TSPAN6: variants seen among roughly 807,000 people sequenced by gnomAD.
The protein encoded by TSPAN6 is tetraspanin-6.
In TSPAN6, 13 loss-of-function variants were observed where a neutral mutation model predicts 18.0. The observed-to-expected ratio is 0.72, with a 90% confidence interval of 0.47 to 1.15. TSPAN6 has a LOEUF of 1.15. Ranked by LOEUF, TSPAN6 falls within the 50% of genes most tolerant of loss-of-function variation. The pLI is 0.00. For synonymous variants in TSPAN6, 82 were observed against 67.0 expected, an observed-to-expected ratio of 1.22 and a Z score of -1.09; for missense variants, 186 against 183.9, an observed-to-expected ratio of 1.01 and a Z score of -0.07.
At position 100,629,916 on chromosome X, in the gene TSPAN6, C is replaced by T; in HGVS notation, c.*110G>A. The stretch of plus-strand genomic sequence containing the variant: ...CAACCTACTGGTGTAGTTTTTTGGT[C>T]TATCAGTAAGTAGTGTTGTCAGTTC... On this transcript the variant is annotated 3_prime_UTR_variant, in exon 8 of 8. Coordinates refer to ENST00000373020, the MANE Select transcript of TSPAN6 (RefSeq NM_003270.4). 7.0e-6 allele frequency: 5 copies of T among 715,463 alleles called. No individual in the cohort carries two copies. The highest frequency in any genetic ancestry group is 8.3e-6 in the Non-Finnish European group (5 of 603,906). The allele number at this position is 715,463 out of a possible 1,213,427, so 59.0% of individuals were successfully genotyped here.
rs2083087494 is a variant in TSPAN6 at position 100,635,391 on chromosome X, A to G, written c.277-139T>C. On this transcript the variant is annotated intron_variant, in intron 2 of 7. Transcript: ENST00000373020. The stretch of plus-strand genomic sequence containing the variant: ...TGAAAAGGGCAGGGAAAATAACAAC[A>G]TGTCTATTTTGAAAGTGGAAACTGG... 7.8e-6 allele frequency: 5 copies of G among 640,482 alleles called. No individual in the cohort carries two copies. The East Asian group carries it at 1.8e-4, about 23-fold the overall frequency. The allele number at this position is 640,482 out of a possible 1,213,427, so 52.8% of individuals were successfully genotyped here.
intron 6 of TSPAN6, chrX:100,632,024 C>T (rs1448126297): frequency 7.7e-6 from 1 of 130,552 alleles, no homozygotes; most frequent in Non-Finnish European, 1.5e-5. Context: ...ATACTGTGAC[C>T]AGTAACTGAG....
chrX:100,636,253 T>A (rs1205127825), intron 1 of TSPAN6: 1 of 825,810 alleles, frequency 1.2e-6, no homozygotes, highest in African/African-American at 2.2e-5. Context: ...AAGTGAGCCC[T>A]CAAAGGGGCC....
rs766124468 is a variant in TSPAN6 at position 100,633,490 on chromosome X, T to C, written c.500A>G (p.Tyr167Cys). ...CTTAGGAAATCCTTTTTCTGAGTAA[T>C]AATTAGTATCTGTCCAATCTCTATA... ...TDYRDWTDTN[Y>C]YSEKGFPKSC... Residue 167 changes from tyrosine to cysteine, a missense_variant, in exon 5 of 8, where the codon TAT becomes TGT. By Grantham distance (194) the Tyr-to-Cys change is radical. Coordinates refer to ENST00000373020, the MANE Select transcript of TSPAN6 (RefSeq NM_003270.4). 1.7e-5 allele frequency: 21 copies of C among 1,206,216 alleles called. No individual in the cohort carries two copies. In the Admixed American group the frequency reaches 4.4e-4, roughly 25 times the overall value.
At chrX:100,633,115 G>A (rs753177093) in intron 5 of TSPAN6, among the ~76,000 whole-genome samples, 12 of 111,391 alleles carry the variant, frequency 1.1e-4, no homozygotes, top group Non-Finnish European at 2.3e-4. Context: ...TCAGGAGATT[G>A]AGACCATCCT....
intron 7 of TSPAN6, among the ~76,000 whole-genome samples, chrX:100,630,239 T>C (rs1050444801): frequency 8.9e-6 from 1 of 112,017 alleles, no homozygotes; most frequent in Non-Finnish European, 1.9e-5. Context: ...TTAGACCAGA[T>C]GAGTTTACGG....
chrX:100,633,552 A>G lies in TSPAN6; in HGVS notation c.451-13T>C. 4 of 1,181,848 alleles carry G rather than the reference A, an allele frequency of 3.4e-6. No individual in the cohort carries two copies. Among genetic ancestry groups the G allele is most frequent in the Non-Finnish European group, 4.5e-6 (4 of 883,227 alleles). ...CACAACAATGCAACTGAAAAACCCAACAAAAGCATTTACAGTTTATATTAC... is the reference window on the plus strand; with the variant it reads ...CACAACAATGCAACTGAAAAACCCAGCAAAAGCATTTACAGTTTATATTAC... On this transcript the variant is annotated splice_polypyrimidine_tract_variant and intron_variant, in intron 4 of 7. Transcript: ENST00000373020.
chrX:100,633,547 A>G lies in TSPAN6; in HGVS notation c.451-8T>C. The G allele has an allele frequency of 8.5e-7, 1 of 1,181,563 alleles. No homozygotes were observed. The highest frequency in any genetic ancestry group is 1.1e-6 in the Non-Finnish European group (1 of 883,322). On this transcript the variant is annotated splice_region_variant and splice_polypyrimidine_tract_variant and intron_variant, in intron 4 of 7. Coordinates refer to ENST00000373020, the MANE Select transcript of TSPAN6 (RefSeq NM_003270.4). Reference sequence around the variant, plus strand: ...GACACCACAACAATGCAACTGAAAAACCCAACAAAAGCATTTACAGTTTAT... The same window carrying G: ...GACACCACAACAATGCAACTGAAAAGCCCAACAAAAGCATTTACAGTTTAT...
intron 5 of TSPAN6, among the ~76,000 whole-genome samples, 187 bp from the exon 6 acceptor site, chrX:100,632,755 A>G (rs1266573512): frequency 9.0e-6 from 1 of 111,616 alleles, no homozygotes; most frequent in Non-Finnish European, 1.9e-5. Context: ...ATTGAAATCT[A>G]TTCTCTTCCA....
In TSPAN6 at chrX:100,628,750, C is replaced by T. The variant is rs895161917; in HGVS notation, c.*1276G>A. 3.6e-5 allele frequency: 4 copies of T among 111,559 alleles called. No individual in the cohort carries two copies. The highest frequency in any genetic ancestry group is 6.5e-5 in the African/African-American group (2 of 30,716). The allele number at this position is 111,559 out of a possible 1,213,427, so 9.2% of individuals were successfully genotyped here. A position where few individuals can be genotyped will look rare whatever the true frequency, so the allele number is the denominator to read the frequency against. Reference sequence around the variant, plus strand: ...AGAGAACAGTTTTTTTTAATATTTGCACTTTAAGATTTTTTTGTTTACATT... The same window carrying T: ...AGAGAACAGTTTTTTTTAATATTTGTACTTTAAGATTTTTTTGTTTACATT... On this transcript the variant is annotated 3_prime_UTR_variant, in exon 8 of 8. Coordinates refer to ENST00000373020, the MANE Select transcript of TSPAN6 (RefSeq NM_003270.4).
In TSPAN6 at chrX:100,636,680, A is replaced by G. The variant is rs1291147891; in HGVS notation, c.15T>C (p.Ser5=). 4.2e-6 allele frequency: 5 copies of G among 1,202,949 alleles called. No homozygotes were observed. The highest frequency in any genetic ancestry group is 5.6e-6 in the Non-Finnish European group (5 of 891,728). The part of the protein sequence containing the change: MASP[S]RRLQTKPVIT... ...TGACTGGTTTAGTCTGCAGTCTCCG[A>G]GACGGGGACGCCATGACTAGCCCGA... Residue 5 remains serine (S), a synonymous_variant, in exon 1 of 8, where the codon TCT becomes TCC. Transcript: ENST00000373020.
At chrX:100,630,190 G>A (rs1052380049) in intron 7 of TSPAN6, among the ~76,000 whole-genome samples, 4 of 111,670 alleles carry the variant, frequency 3.6e-5, no homozygotes, top group Non-Finnish European at 7.5e-5. Context: ...AAATACTAAC[G>A]CCATTGAAAC....
intron 3 of TSPAN6, 80 bp downstream of exon 3, chrX:100,635,098 G>T: frequency 2.6e-6 from 2 of 776,334 alleles, no homozygotes; most frequent in South Asian, 2.6e-5. Flanking sequence ...ACAGAGGTCT[G>T]ACTCTTCTAC....
chrX:100,635,861 G>C, intron 1 of TSPAN6, 115 bp from the exon 2 acceptor site: 2 of 563,603 alleles, frequency 3.5e-6, no homozygotes, highest in Non-Finnish European at 5.1e-6. Context: ...GGATACGGCA[G>C]ACAAGGGGGA....
chrX:100,635,205 G>A lies in TSPAN6; in HGVS notation c.324C>T (p.Ala108=), dbSNP rs753564797. The change falls in exon 3 of 8, where the codon GCC becomes GCT. Residue 108 remains alanine (A), a synonymous_variant. Coordinates refer to ENST00000373020, the MANE Select transcript of TSPAN6 (RefSeq NM_003270.4). ...CATGTCTGAAAACAAATCCTACGAT[G>A]GCAGCGACCAGTTCGACCAAAAAAA... ...TLVFLVELVA[A]IVGFVFRHEI... 2.5e-6 allele frequency: 3 copies of A among 1,197,517 alleles called. No homozygotes were observed. The highest frequency in any genetic ancestry group is 6.1e-5 in the East Asian group (2 of 32,721).
chrX:100,635,126 T>C, intron 3 of TSPAN6, 52 bp downstream of exon 3: 2 of 971,757 alleles, frequency 2.1e-6, no homozygotes, highest in Middle Eastern at 2.6e-4. Context: ...AATCCATTTT[T>C]ATCTCTCAGA....
At chrX:100,635,534 A>G in intron 2 of TSPAN6, 24 bp downstream of exon 2, 1 of 1,151,636 alleles carries the variant, frequency 8.7e-7, no homozygotes, top group Non-Finnish European at 1.2e-6. Context: ...CCAAGAATCA[A>G]TTCTAATGAA....
rs2083057795 is a variant in TSPAN6 at position 100,631,371 on chromosome X, T to C, written c.670-505A>G. ...GGTTTTAATTTTATTTAATAATTTA[T>C]AACAATTCAAAGGTGGCTAGTGGCT... On this transcript the variant is annotated intron_variant, in intron 6 of 7. Transcript: ENST00000373020. 2.7e-5 allele frequency among the ~76,000 whole-genome samples: 3 copies of C among 112,581 alleles called. No homozygotes were observed. In the South Asian group the frequency reaches 1.1e-3, roughly 41 times the overall value.
Position 100,633,536 on chromosome X carries a change from G to A in TSPAN6, c.454C>T (p.His152Tyr). ...CTATAATCGGTGACACCACAACAAT[G>A]CAACTGAAAAACCCAACAAAAGCAT... is the stretch of plus-strand genomic sequence containing the variant. ...HAVDKIQNTL[H>Y]CCGVTDYRDW... The change falls in exon 5 of 8, where the codon CAT becomes TAT. Residue 152 changes from histidine to tyrosine, a missense_variant. Coordinates refer to ENST00000373020, the MANE Select transcript of TSPAN6 (RefSeq NM_003270.4). 1 of 1,185,281 alleles carries A rather than the reference G, an allele frequency of 8.4e-7. No individual in the cohort carries two copies. Among genetic ancestry groups the A allele is most frequent in the African/African-American group, 1.8e-5 (1 of 56,013 alleles).
Sources: allele counts gnomAD v4.1 joint callset (sites outside exome capture counted in the v4.1 genomes callset), GRCh38; gene constraint gnomAD v4.1.1; transcripts MANE v1.5; gene names NCBI Gene and HGNC (gene_info 2026-07-23, HGNC 2026-07-21).